The following ANO2 variants were observed in gnomAD, a reference collection of about 807,000 sequenced individuals.
ANO2 encodes anoctamin 2.
Under a neutral mutation model 124.2 loss-of-function variants are expected in ANO2, and 101 were observed. That is an observed-to-expected ratio of 0.81 (90% CI 0.69 to 0.96). The LOEUF is 0.96. Among genes scored for constraint, ANO2 ranks in the 40% least tolerant of loss-of-function variants. The pLI, the probability that ANO2 is intolerant of heterozygous loss-of-function variation, is 0.00. For missense variants in ANO2, 1,293 were observed against 1,274.5 expected (o/e 1.01, Z -0.22); for synonymous variants, 486 against 482.5 (o/e 1.01, Z -0.09).
At chr12:5,927,239 A>G (rs1365100383) in intron 1 of ANO2, among the ~76,000 whole-genome samples, 1 of 152,148 alleles carries the variant, frequency 6.6e-6, no homozygotes, top group East Asian at 1.9e-4. Context: ...GGATGACCAC[A>G]CATTTTTTAA....
intron 14 of ANO2, among the ~76,000 whole-genome samples, chr12:5,665,459 C>T (rs1001639252): frequency 2.6e-5 from 4 of 152,222 alleles, no homozygotes; most frequent in Non-Finnish European, 4.4e-5. Flanking sequence ...GTACTTATTT[C>T]TCTAGATTCT....
chr12:5,739,290 A>G (rs758228907), intron 13 of ANO2, 27 bp downstream of exon 13: 3 of 1,556,522 alleles, frequency 1.9e-6, no homozygotes, highest in Non-Finnish European at 2.6e-6. Flanking sequence ...CCACAGAAGT[A>G]TGTGAGAAAT....
chr12:5,810,283 G>T (rs7134587), intron 7 of ANO2, among the ~76,000 whole-genome samples: 2,497 of 152,262 alleles, frequency 0.016, 64 homozygotes, highest in African/African-American at 0.056. Context: ...CAACAACAGG[G>T]ATTTGCTTTG....
rs761200447 is a variant in ANO2, at chr12:5,563,256, G to A, written c.*43C>T. On this transcript the variant is annotated 3_prime_UTR_variant, in exon 25 of 25. Transcript: ENST00000682330. ...TAGGAACATGCTTACGTGCATGTGC[G>A]TGTCTCTGCTGCCGTGCCCTCCTCT... The A allele has an allele frequency of 4.3e-5, 67 of 1,563,560 alleles. No individual in the cohort carries two copies. In the Admixed American group the frequency reaches 6.2e-4, roughly 15 times the overall value.
At chr12:5,646,201 C>T (rs902651507) in intron 15 of ANO2, among the ~76,000 whole-genome samples, 25 of 152,242 alleles carry the variant, frequency 1.6e-4, no homozygotes, top group Admixed American at 3.9e-4. Flanking sequence ...CTAGGTTTGC[C>T]GAGATGGGAA....
chr12:5,652,381 C>A (rs183690259), intron 14 of ANO2, among the ~76,000 whole-genome samples: 2 of 151,926 alleles, frequency 1.3e-5, no homozygotes, highest in Admixed American at 6.6e-5. Flanking sequence ...ACCAATGAAC[C>A]GATATTGTAC....
chr12:5,916,616 G>A (rs1941395602), intron 3 of ANO2, among the ~76,000 whole-genome samples: 1 of 150,780 alleles, frequency 6.6e-6, no homozygotes, highest in South Asian at 2.1e-4. Flanking sequence ...AATGTAAGGT[G>A]TTAATAATAC....
intron 10 of ANO2, among the ~76,000 whole-genome samples, chr12:5,778,111 A>T (rs376264238): frequency 1.3e-5 from 2 of 151,830 alleles, no homozygotes; most frequent in East Asian, 3.9e-4. Flanking sequence ...CCTACAAGCC[A>T]ATCTATTTAT....
intron 19 of ANO2, among the ~76,000 whole-genome samples, chr12:5,612,348 C>T (rs1944582894): frequency 6.6e-6 from 1 of 152,126 alleles, no homozygotes; most frequent in South Asian, 2.1e-4. Flanking sequence ...CTTTTACTTA[C>T]TCACTGAGAG....
intron 20 of ANO2, among the ~76,000 whole-genome samples, chr12:5,599,142 C>T (rs1296756565): frequency 6.6e-6 from 1 of 152,070 alleles, no homozygotes; most frequent in Non-Finnish European, 1.5e-5. Flanking sequence ...GTACTATTTC[C>T]CTTTCAGCTT....
intron 16 of ANO2, among the ~76,000 whole-genome samples, chr12:5,633,011 T>C (rs1378602999): frequency 6.6e-6 from 1 of 152,180 alleles, no homozygotes; most frequent in Non-Finnish European, 1.5e-5. Context: ...TCAGTGGTGC[T>C]AGATCAGGAC....
At position 5,787,517 on chromosome 12, in the gene ANO2, C is replaced by T. The variant is rs1952572553; in HGVS notation, c.1055+11990G>A. Among the ~76,000 whole-genome samples the T allele has an allele frequency of 6.6e-6, 1 of 152,284 alleles. No homozygotes were observed. The highest frequency in any genetic ancestry group is 1.5e-5 in the Non-Finnish European group (1 of 68,010). ...TCACCAACCTTGTGACTTTGGGCCA[C>T]TTAATAATGTCTTTGTGCTTCAATT... On this transcript the variant is annotated intron_variant, in intron 10 of 24. Transcript: ENST00000682330. The surrounding 1 kb of genome is among the most constrained non-coding windows in gnomAD (Gnocchi z 4.2).
At chr12:5,873,196 G>GCTCTCTCTCTCTCTCTCTCT (rs57038931) in intron 3 of ANO2, among the ~76,000 whole-genome samples, 28 of 119,046 alleles carry the variant, frequency 2.4e-4, no homozygotes, top group Middle Eastern at 6.0e-3. Context: ...GCCTAAAGCA[G>GCTCTCTCTCTCTCTCTCTCT]CTCTCTCTCT....
intron 14 of ANO2, among the ~76,000 whole-genome samples, chr12:5,681,841 T>C (rs1948504815): frequency 6.6e-6 from 1 of 152,172 alleles, no homozygotes; most frequent in Non-Finnish European, 1.5e-5. Flanking sequence ...CCCACAAATC[T>C]ATATTTCCCT....
chr12:5,915,222 C>A (rs988010667), intron 3 of ANO2, among the ~76,000 whole-genome samples: 1 of 152,068 alleles, frequency 6.6e-6, no homozygotes, highest in Non-Finnish European at 1.5e-5. Context: ...ATCAAACGGT[C>A]AAACTAAGAA....
At chr12:5,622,027 A>G (rs1207693191) in intron 16 of ANO2, among the ~76,000 whole-genome samples, 1 of 152,158 alleles carries the variant, frequency 6.6e-6, no homozygotes, top group Non-Finnish European at 1.5e-5. Flanking sequence ...TCTCTTAAAT[A>G]TTTTGGGGGC....
intron 10 of ANO2, among the ~76,000 whole-genome samples, chr12:5,765,360 T>C (rs1270818318): frequency 1.3e-5 from 2 of 152,208 alleles, no homozygotes; most frequent in African/African-American, 2.4e-5. Context: ...GAGACCAGCG[T>C]TGCCACATCC....
intron 16 of ANO2, among the ~76,000 whole-genome samples, chr12:5,622,952 A>C (rs1009943463): frequency 6.8e-5 from 10 of 147,258 alleles, no homozygotes; most frequent in Non-Finnish European, 1.2e-4. Context: ...CAACGATGCA[A>C]GGCTCTGTCT....
At chr12:5,730,909 T>G (rs1950605597) in intron 14 of ANO2, among the ~76,000 whole-genome samples, 1 of 152,250 alleles carries the variant, frequency 6.6e-6, no homozygotes, top group South Asian at 2.1e-4. Context: ...TGTTGAATGC[T>G]AAAACATAAA....
Sources: gnomAD v4.1 joint callset for allele counts (sites outside exome capture counted in the v4.1 genomes callset) on GRCh38, gnomAD v4.1.1 for gene constraint, Gnocchi (gnomAD v3.1) non-coding constraint, MANE v1.5 for transcripts, NCBI Gene and HGNC (gene_info 2026-07-23, HGNC 2026-07-21) for gene names.